Variants in SHROOM3 observed in about 807,000 individuals in gnomAD.
SHROOM3 encodes the protein protein Shroom3.
In SHROOM3, 47 loss-of-function variants were observed where a neutral mutation model predicts 138.6. The ratio of observed to expected loss-of-function variants is 0.34; its 90% CI spans 0.27 to 0.43. The LOEUF is 0.43. SHROOM3 is among the 20% of genes least tolerant of loss of function. The pLI is 1.00. For synonymous variants in SHROOM3, 1,062 were observed against 1,063.3 expected (o/e 1.00, Z 0.02); for missense variants, 2,491 against 2,596.5 (o/e 0.96, Z 0.88).
chr4:76,486,396 T>C (rs904199490), intron 1 of SHROOM3, among the ~76,000 whole-genome samples: 2 of 152,208 alleles, frequency 1.3e-5, no homozygotes, highest in African/African-American at 4.8e-5. Flanking sequence ...TAAGATGGGA[T>C]CAAGGCAGTA....
chr4:76,467,847 C>G (rs898867472), intron 1 of SHROOM3, among the ~76,000 whole-genome samples: 2 of 152,186 alleles, frequency 1.3e-5, no homozygotes, highest in Non-Finnish European at 2.9e-5. Context: ...TACCAGAACT[C>G]AGAGAAAGGA....
chr4:76,677,230 T>C (rs1055503143), intron 2 of SHROOM3, among the ~76,000 whole-genome samples: 1 of 152,162 alleles, frequency 6.6e-6, no homozygotes, highest in Non-Finnish European at 1.5e-5. Flanking sequence ...ATGTGTCCAC[T>C]TTCCTTTACC....
intron 1 of SHROOM3, among the ~76,000 whole-genome samples, chr4:76,518,530 T>A (rs5009565): frequency 0.012 from 1,074 of 93,210 alleles, 13 homozygotes; most frequent in African/African-American, 0.04. Flanking sequence ...CTTCCTACCT[T>A]CCTTCCTTCC....
chr4:76,648,345 A>G (rs952814157), intron 2 of SHROOM3, among the ~76,000 whole-genome samples: 3 of 152,294 alleles, frequency 2.0e-5, no homozygotes, highest in Non-Finnish European at 4.4e-5. Context: ...AGAAAGAAAG[A>G]AAAACAAAAA....
chr4:76,491,914 T>C (rs999636817), intron 1 of SHROOM3, among the ~76,000 whole-genome samples: 1 of 152,158 alleles, frequency 6.6e-6, no homozygotes, highest in Non-Finnish European at 1.5e-5. Flanking sequence ...ATCATCACAA[T>C]TGCCCACTGA....
intron 2 of SHROOM3, among the ~76,000 whole-genome samples, chr4:76,659,043 A>AT (rs397717673): frequency 6.6e-6 from 1 of 150,822 alleles, no homozygotes; most frequent in Non-Finnish European, 1.5e-5. Context: ...AAAAAAAAAA[A>AT]GGCTCATCTA....
chr4:76,441,082 A>ATTT (rs1354191068), intron 1 of SHROOM3, among the ~76,000 whole-genome samples: 6 of 55,980 alleles, frequency 1.1e-4, no homozygotes, highest in African/African-American at 1.5e-4. Flanking sequence ...CCTGAGTTCA[A>ATTT]TTTGTTTTTT....
At chr4:76,646,248 A>AT (rs1491297588) in intron 2 of SHROOM3, among the ~76,000 whole-genome samples, 24 of 140,912 alleles carry the variant, frequency 1.7e-4, no homozygotes, top group African/African-American at 3.4e-4. Flanking sequence ...ATATATATAT[A>AT]AAATTAAAAA....
chr4:76,574,161 C>A (rs1376104977), intron 2 of SHROOM3, among the ~76,000 whole-genome samples: 1 of 152,172 alleles, frequency 6.6e-6, no homozygotes, highest in Middle Eastern at 3.2e-3. Flanking sequence ...ATCTTGAGGG[C>A]TGGGTTTTCT....
Position 76,558,535 on chromosome 4 carries a change from A to G in SHROOM3, c.323+2772A>G, listed in dbSNP as rs573714244. Among the ~76,000 whole-genome samples, 227 of 152,246 alleles carry G rather than the reference A, an allele frequency of 1.5e-3. 8 individuals carry two copies. In the South Asian group the frequency reaches 0.046, roughly 31 times the overall value. ...CCCCTTTCATTCTCTTAGTGAGTTT[A>G]CAACCATTTAAGGGCTAGTACCCAG... On this transcript the variant is annotated intron_variant, in intron 2 of 10. Coordinates refer to ENST00000296043, the MANE Select transcript of SHROOM3 (RefSeq NM_020859.4).
chr4:76,685,928 C>T (rs918772664), intron 2 of SHROOM3, among the ~76,000 whole-genome samples: 12 of 152,136 alleles, frequency 7.9e-5, no homozygotes, highest in African/African-American at 1.2e-4. Context: ...GCTGAGATTG[C>T]ACCACTGCAC....
intron 2 of SHROOM3, among the ~76,000 whole-genome samples, chr4:76,580,200 G>A (rs1734020347): frequency 6.6e-6 from 1 of 152,328 alleles, no homozygotes; most frequent in South Asian, 2.1e-4. Context: ...GCTGGCTGGC[G>A]CCATTCAACT....
intron 2 of SHROOM3, among the ~76,000 whole-genome samples, chr4:76,584,526 T>G (rs1443089527): frequency 6.6e-6 from 1 of 152,054 alleles, no homozygotes; most frequent in Admixed American, 6.6e-5. Flanking sequence ...CACAAATGAG[T>G]CCACTCCTGG....
intron 1 of SHROOM3, among the ~76,000 whole-genome samples, chr4:76,512,043 C>A (rs1732348597): frequency 6.6e-6 from 1 of 152,048 alleles, no homozygotes; most frequent in Non-Finnish European, 1.5e-5. Flanking sequence ...GGGCCTGAGG[C>A]CTAAATAGAA....
rs1249479354 is a variant in SHROOM3, at chr4:76,507,541, T to C, written c.169-48068T>C. On this transcript the variant is annotated intron_variant, in intron 1 of 10. Coordinates refer to ENST00000296043, the MANE Select transcript of SHROOM3 (RefSeq NM_020859.4). Reference sequence around the variant, plus strand: ...CACTTTTGGTCATTTGTATCTCTCTTTTTTTTTTTTTTTGAGATGGAGTCT... The same window carrying C: ...CACTTTTGGTCATTTGTATCTCTCTCTTTTTTTTTTTTTGAGATGGAGTCT... Among the ~76,000 whole-genome samples the C allele has an allele frequency of 7.6e-5, 11 of 145,440 alleles. No homozygotes were observed. In the East Asian group the frequency reaches 9.8e-4, roughly 13 times the overall value.
In SHROOM3 at chr4:76,779,576, C is replaced by T; in HGVS notation, c.*399C>T. 5.8e-6 allele frequency: 1 copy of T among 173,336 alleles called. No individual in the cohort carries two copies. Among genetic ancestry groups the T allele is most frequent in the Non-Finnish European group, 1.3e-5 (1 of 79,668 alleles). The allele number at this position is 173,336 out of a possible 1,614,324, so 10.7% of individuals were successfully genotyped here. On this transcript the variant is annotated 3_prime_UTR_variant, in exon 11 of 11. Coordinates refer to ENST00000296043, the MANE Select transcript of SHROOM3 (RefSeq NM_020859.4). Reference sequence around the variant, plus strand: ...TATCCTGATGGCAGGGTACAAGTACCATTAATGAAGGGTCTGCAACATAAA... The same window carrying T: ...TATCCTGATGGCAGGGTACAAGTACTATTAATGAAGGGTCTGCAACATAAA...
At chr4:76,602,665 AC>A (rs1359010006) in intron 2 of SHROOM3, among the ~76,000 whole-genome samples, 1 of 152,218 alleles carries the variant, frequency 6.6e-6, no homozygotes, top group Non-Finnish European at 1.5e-5. Flanking sequence ...AAAACAAATT[AC>A]TTTTCATTAT....
intron 2 of SHROOM3, chr4:76,637,624 C>T (rs1986966): frequency 0.69 from 104,941 of 152,020 alleles, 36,360 homozygotes; most frequent in Middle Eastern, 0.75. Context: ...CATCAGGCAA[C>T]GAGAGACTTG....
intron 1 of SHROOM3, among the ~76,000 whole-genome samples, chr4:76,519,683 A>G (rs1237617628): frequency 1.3e-5 from 2 of 152,208 alleles, no homozygotes; most frequent in Non-Finnish European, 2.9e-5. Flanking sequence ...ATTTTTCAGG[A>G]CAGTCTTGAC....
Sources: allele counts gnomAD v4.1 joint callset (sites outside exome capture counted in the v4.1 genomes callset), GRCh38; gene constraint gnomAD v4.1.1; transcripts MANE v1.5; gene names NCBI Gene and HGNC (gene_info 2026-07-23, HGNC 2026-07-21).